The following PACS1 variants were observed in gnomAD, a reference collection of about 807,000 sequenced individuals.
PACS1 encodes the protein PACS-1.
A neutral mutation model predicts 115.0 loss-of-function variants in PACS1; 24 were observed. That is an observed-to-expected ratio of 0.21 (90% CI 0.15 to 0.29). PACS1 has a LOEUF of 0.29. Ranked by LOEUF, PACS1 falls within the 10% of genes least tolerant of loss-of-function variation. The pLI is 1.00. For synonymous variants in PACS1, 453 were observed against 504.5 expected, an observed-to-expected ratio of 0.90 and a Z score of 1.37; for missense variants, 838 against 1,251.2, an observed-to-expected ratio of 0.67 and a Z score of 4.98.
intron 1 of PACS1, among the ~76,000 whole-genome samples, chr11:66,091,134 C>T (rs1857652413): frequency 6.6e-6 from 1 of 152,004 alleles, no homozygotes; most frequent in Non-Finnish European, 1.5e-5. Context: ...ACTTTCCTCC[C>T]TGGTTTGTTT....
intron 1 of PACS1, among the ~76,000 whole-genome samples, chr11:66,084,594 T>G (rs913794603): frequency 2.0e-5 from 3 of 151,734 alleles, no homozygotes; most frequent in Admixed American, 6.6e-5. Context: ...GAGGTGGAGA[T>G]GAGAAAGTGG....
intron 7 of PACS1, among the ~76,000 whole-genome samples, chr11:66,218,859 TAAA>T (rs142576194): frequency 6.2e-5 from 8 of 129,388 alleles, no homozygotes; most frequent in Admixed American, 7.7e-5. Context: ...ACTCCATCTC[TAAA>T]AAAAAAAAAA....
chr11:66,238,714 G>C lies in PACS1; in HGVS notation c.2251-90G>C, dbSNP rs1314958819. 14 of 1,175,342 alleles carry C rather than the reference G, an allele frequency of 1.2e-5. No homozygotes were observed. The Admixed American group carries it at 2.8e-4, about 23-fold the overall frequency. The allele number at this position is 1,175,342 out of a possible 1,614,324, so 72.8% of individuals were successfully genotyped here. On this transcript the variant is annotated intron_variant, in intron 19 of 23. Transcript: ENST00000320580. ...CGGCAATAAAATAATGTGTAGTGAT[G>C]GCTCTTGTGCCACCAATGTGTTTCT...
intron 1 of PACS1, among the ~76,000 whole-genome samples, chr11:66,140,448 G>A (rs755643606): frequency 1.3e-5 from 2 of 152,166 alleles, no homozygotes; most frequent in Admixed American, 6.6e-5. Context: ...ATTCCCAACC[G>A]TGGACCTCCC....
chr11:66,135,133 G>GAGGT (rs1201380897), intron 1 of PACS1, among the ~76,000 whole-genome samples: 3 of 152,028 alleles, frequency 2.0e-5, no homozygotes, highest in Non-Finnish European at 2.9e-5. Flanking sequence ...CCGGGATGTG[G>GAGGT]AGGTTGCAGT....
At chr11:66,117,535 C>T (rs1009011491) in intron 1 of PACS1, among the ~76,000 whole-genome samples, 1 of 151,624 alleles carries the variant, frequency 6.6e-6, no homozygotes, top group Non-Finnish European at 1.5e-5. Flanking sequence ...AAGACCAGCC[C>T]TCAACATGTG....
chr11:66,181,240 C>G (rs1042378913), intron 1 of PACS1, among the ~76,000 whole-genome samples: 2 of 148,668 alleles, frequency 1.3e-5, no homozygotes, highest in African/African-American at 5.0e-5. Context: ...GAGATAGAGT[C>G]TCACTCTGTC....
At position 66,210,341 on chromosome 11, in the gene PACS1, G is replaced by C. The variant is rs555889904; in HGVS notation, c.445-21G>C. On this transcript the variant is annotated intron_variant, in intron 2 of 23. Transcript: ENST00000320580. Reference sequence around the variant, plus strand: ...ACAAGCCACTGCACCTGGCCAAACAGACTTTTCTTCTTGGTTTCAGGGTTC... The same window carrying C: ...ACAAGCCACTGCACCTGGCCAAACACACTTTTCTTCTTGGTTTCAGGGTTC... 14 of 1,604,982 alleles carry C rather than the reference G, an allele frequency of 8.7e-6. No homozygotes were observed. The East Asian group carries it at 3.1e-4, about 36-fold the overall frequency.
In PACS1 at chr11:66,197,466, C is replaced by T. The variant is rs536383445; in HGVS notation, c.444+3893C>T. Among the ~76,000 whole-genome samples the T allele has an allele frequency of 3.9e-5, 6 of 152,242 alleles. No homozygotes were observed. The South Asian group carries it at 1.2e-3, about 32-fold the overall frequency. On this transcript the variant is annotated intron_variant, in intron 2 of 23. Coordinates refer to ENST00000320580, the MANE Select transcript of PACS1 (RefSeq NM_018026.4). ...GCAACTAATCTTTAGGAAACTACCA[C>T]TTAGAGAGTTAATGGTGTAGTATCA...
At chr11:66,072,436 A>T (rs1857324981) in intron 1 of PACS1, among the ~76,000 whole-genome samples, 1 of 151,970 alleles carries the variant, frequency 6.6e-6, no homozygotes, top group Non-Finnish European at 1.5e-5. Context: ...CAGGGTATAG[A>T]TCTGGGACTT....
intron 1 of PACS1, among the ~76,000 whole-genome samples, chr11:66,077,299 A>G (rs958031532): frequency 6.6e-6 from 1 of 152,364 alleles, no homozygotes; most frequent in African/African-American, 2.4e-5. Flanking sequence ...GTGGTGGCTC[A>G]TGCCTATCAT....
intron 7 of PACS1, chr11:66,219,501 AGGG>A (rs748327571): frequency 1.6e-6 from 1 of 643,808 alleles, no homozygotes; most frequent in South Asian, 1.5e-5. Flanking sequence ...GTTGGGGCAC[AGGG>A]GGGTGGAGGA....
intron 11 of PACS1, among the ~76,000 whole-genome samples, chr11:66,229,837 T>C (rs2134733365): frequency 6.6e-6 from 1 of 151,826 alleles, no homozygotes; most frequent in African/African-American, 2.4e-5. Flanking sequence ...TCCCAGCTAG[T>C]CGGGAGGCTG....
intron 2 of PACS1, among the ~76,000 whole-genome samples, chr11:66,208,139 C>G (rs1444913013): frequency 1.3e-5 from 2 of 152,082 alleles, no homozygotes; most frequent in Non-Finnish European, 2.9e-5. Flanking sequence ...ATGACATAAC[C>G]ATCAGGGCTC....
intron 1 of PACS1, among the ~76,000 whole-genome samples, chr11:66,117,465 A>AC (rs1858330463): frequency 6.7e-6 from 1 of 150,106 alleles, no homozygotes; most frequent in African/African-American, 2.5e-5. Context: ...CATCTCAAAA[A>AC]AAAAAAAAAG....
chr11:66,130,149 A>G (rs1197635094), intron 1 of PACS1, among the ~76,000 whole-genome samples: 1 of 152,190 alleles, frequency 6.6e-6, no homozygotes, highest in East Asian at 1.9e-4. Flanking sequence ...TGTAACTTTC[A>G]GGGTGAGAAG....
chr11:66,074,941 GTTTTTTTTT>G (rs71036269), intron 1 of PACS1, among the ~76,000 whole-genome samples: 1 of 114,224 alleles, frequency 8.8e-6, no homozygotes, highest in Non-Finnish European at 1.6e-5. Flanking sequence ...TTTTTTTGGT[GTTTTTTTTT>G]TTTTTTTTTT....
chr11:66,109,165 G>A (rs1026886153), intron 1 of PACS1, among the ~76,000 whole-genome samples: 22 of 152,184 alleles, frequency 1.4e-4, no homozygotes, highest in Admixed American at 5.2e-4. Context: ...CAGCTGCAGG[G>A]GATATCCCGT....
intron 4 of PACS1, among the ~76,000 whole-genome samples, chr11:66,215,320 A>C (rs1464817862): frequency 2.0e-5 from 3 of 151,422 alleles, no homozygotes; most frequent in African/African-American, 7.2e-5. Context: ...TTAAGACCTT[A>C]GGCCAAATGC....
Sources: gnomAD v4.1 joint callset for allele counts (sites outside exome capture counted in the v4.1 genomes callset) on GRCh38, gnomAD v4.1.1 for gene constraint, MANE v1.5 for transcripts, NCBI Gene and HGNC (gene_info 2026-07-23, HGNC 2026-07-21) for gene names.